The following SGMS1 variants were observed in gnomAD, a reference collection of about 807,000 sequenced individuals.
The protein encoded by SGMS1 is phosphatidylcholine:ceramide cholinephosphotransferase 1.
SGMS1 carries 13 observed loss-of-function variants against 46.2 expected under a neutral mutation model. The ratio of observed to expected loss-of-function variants is 0.28; its 90% CI spans 0.18 to 0.45. SGMS1 has a LOEUF of 0.45. Among genes scored for constraint, SGMS1 ranks in the 20% least tolerant of loss-of-function variants. The pLI is 1.00. For synonymous variants in SGMS1, 203 were observed against 187.8 expected, an observed-to-expected ratio of 1.08 and a Z score of -0.66; for missense variants, 324 against 519.9, an observed-to-expected ratio of 0.62 and a Z score of 3.66.
At chr10:50,369,852 C>T (rs2842103) in intron 6 of SGMS1, among the ~76,000 whole-genome samples, 106,642 of 152,106 alleles carry the variant, frequency 0.7, 37,571 homozygotes, top group Middle Eastern at 0.81. Context: ...GTGAACATCA[C>T]AGAAAATGTA....
chr10:50,426,161 TCAC>T (rs1849323746), intron 6 of SGMS1, among the ~76,000 whole-genome samples: 1 of 152,212 alleles, frequency 6.6e-6, no homozygotes, highest in Non-Finnish European at 1.5e-5. Flanking sequence ...AAAAAAAGAT[TCAC>T]CAAAATGTTA....
intron 2 of SGMS1, among the ~76,000 whole-genome samples, chr10:50,558,486 T>TA (rs1403662125): frequency 6.6e-6 from 1 of 152,120 alleles, no homozygotes; most frequent in Non-Finnish European, 1.5e-5. Flanking sequence ...AGCCAAACAT[T>TA]ACAATGAAAA....
At chr10:50,581,397 G>A (rs1838433086) in intron 2 of SGMS1, among the ~76,000 whole-genome samples, 1 of 152,182 alleles carries the variant, frequency 6.6e-6, no homozygotes, top group Non-Finnish European at 1.5e-5. Context: ...TCACAGAGTT[G>A]TGGAGAATAT....
intron 2 of SGMS1, among the ~76,000 whole-genome samples, chr10:50,572,084 T>C (rs140794695): frequency 2.2e-4 from 34 of 152,312 alleles, no homozygotes; most frequent in Non-Finnish European, 4.9e-4. Flanking sequence ...AGGAAGAGAA[T>C]TGCATCAGGT....
chr10:50,373,024 T>C (rs1297547717), intron 6 of SGMS1, among the ~76,000 whole-genome samples: 2 of 152,212 alleles, frequency 1.3e-5, no homozygotes, highest in African/African-American at 2.4e-5. Context: ...ATTGTATATA[T>C]AGCCATCTTC....
chr10:50,458,355 T>C (rs1446883449), intron 5 of SGMS1, among the ~76,000 whole-genome samples: 11 of 132,112 alleles, frequency 8.3e-5, no homozygotes, highest in South Asian at 5.0e-4. Flanking sequence ...TTTTTTTTTT[T>C]TTTTTTTTTT....
At chr10:50,325,114 T>C (rs1460659082) in intron 8 of SGMS1, among the ~76,000 whole-genome samples, 1 of 152,180 alleles carries the variant, frequency 6.6e-6, no homozygotes, top group Admixed American at 6.5e-5. Context: ...CGTACTAAAG[T>C]ATGTGGAGGT....
At chr10:50,515,010 A>G (rs917301432) in intron 3 of SGMS1, among the ~76,000 whole-genome samples, 15 of 152,240 alleles carry the variant, frequency 9.9e-5, no homozygotes, top group Admixed American at 9.2e-4. Flanking sequence ...GAATCTGGTG[A>G]GCAGGAGGAA....
intron 8 of SGMS1, among the ~76,000 whole-genome samples, chr10:50,314,487 T>C (rs1167045408): frequency 6.6e-6 from 1 of 152,192 alleles, no homozygotes; most frequent in Non-Finnish European, 1.5e-5. Flanking sequence ...ACTGGCAAAA[T>C]CTTCTGAGAA....
intron 6 of SGMS1, among the ~76,000 whole-genome samples, chr10:50,427,075 C>A (rs1849335510): frequency 1.3e-5 from 2 of 152,098 alleles, no homozygotes; most frequent in Non-Finnish European, 2.9e-5. Flanking sequence ...CACTTTATAA[C>A]AGAAAAAATT....
chr10:50,414,858 T>A (rs73332908), intron 6 of SGMS1, among the ~76,000 whole-genome samples: 4,289 of 152,316 alleles, frequency 0.028, 95 homozygotes, highest in African/African-American at 0.059. Flanking sequence ...CTTGCTCAAG[T>A]CTGACATTAC....
intron 8 of SGMS1, among the ~76,000 whole-genome samples, chr10:50,321,534 T>C (rs773868375): frequency 6.6e-6 from 1 of 152,074 alleles, no homozygotes; most frequent in South Asian, 2.1e-4. Context: ...CTGGAAAGTA[T>C]ATGCAAGAAG....
intron 6 of SGMS1, among the ~76,000 whole-genome samples, chr10:50,389,448 G>A (rs145584940): frequency 9.2e-5 from 14 of 152,216 alleles, no homozygotes; most frequent in South Asian, 6.2e-4. Flanking sequence ...TGTGAAAGTC[G>A]CAGGTTCTAG....
At chr10:50,543,392 C>G (rs940811603) in intron 2 of SGMS1, among the ~76,000 whole-genome samples, 1 of 152,206 alleles carries the variant, frequency 6.6e-6, no homozygotes, top group African/African-American at 2.4e-5. Context: ...AGTAGATATA[C>G]ACATTACATA....
chr10:50,624,613 G>A (rs997439998), upstream of SGMS1: 34 of 985,090 alleles, frequency 3.5e-5, no homozygotes, highest in South Asian at 1.4e-4. Context: ...CCCACCTTCC[G>A]CCGCCCCTCC....
chr10:50,609,825 A>G (rs531571066), intron 1 of SGMS1, among the ~76,000 whole-genome samples: 1 of 152,244 alleles, frequency 6.6e-6, no homozygotes, highest in South Asian at 2.1e-4. Flanking sequence ...GCTACCCTCT[A>G]GACCCTTATC....
intron 6 of SGMS1, among the ~76,000 whole-genome samples, chr10:50,365,609 C>T (rs1281651361): frequency 6.6e-6 from 1 of 151,944 alleles, no homozygotes; most frequent in African/African-American, 2.4e-5. Flanking sequence ...ACAGGCCCCG[C>T]TGTGTGTTGT....
intron 3 of SGMS1, among the ~76,000 whole-genome samples, chr10:50,475,760 C>T (rs1837416484): frequency 6.6e-6 from 1 of 152,020 alleles, no homozygotes. Context: ...TAGCATCTCC[C>T]CAACCATTCT....
upstream of SGMS1, chr10:50,624,971 G>T (rs921287450): frequency 9.6e-7 from 1 of 1,039,926 alleles, no homozygotes; most frequent in Non-Finnish European, 1.2e-6. Context: ...CGGCCATCGG[G>T]CCGCGGGCGC....
Sources: gnomAD v4.1 joint callset for allele counts (sites outside exome capture counted in the v4.1 genomes callset) on GRCh38, gnomAD v4.1.1 for gene constraint, MANE v1.5 for transcripts, NCBI Gene and HGNC (gene_info 2026-07-23, HGNC 2026-07-21) for gene names.